Variants in CAPZB observed in about 807,000 individuals in gnomAD.
The protein encoded by CAPZB is F-actin-capping protein subunit beta.
CAPZB carries 2 observed loss-of-function variants against 38.1 expected under a neutral mutation model. That is an observed-to-expected ratio of 0.05 (90% CI 0.02 to 0.17). The LOEUF is 0.17. CAPZB is among the 10% of genes least tolerant of loss of function. CAPZB has a pLI of 1.00. For missense variants in CAPZB, 161 were observed against 334.2 expected (o/e 0.48, Z 4.04); for synonymous variants, 107 against 127.4 (o/e 0.84, Z 1.08).
intron 6 of CAPZB, among the ~76,000 whole-genome samples, chr1:19,345,453 G>T (rs1446195596): frequency 3.3e-5 from 5 of 152,232 alleles, no homozygotes; most frequent in Admixed American, 3.3e-4. Flanking sequence ...AGCCCAGAGG[G>T]CAGAAGCCCA....
rs1277931407 is a variant in CAPZB, at chr1:19,485,130, C to T, written c.3+306G>A. ...CCGAGGGGGTGCCTGGCTGGGGACA[C>T]GGTTCGGGAGGGAGGGTCTAGCCTG... On this transcript the variant is annotated intron_variant, in intron 1 of 8. Coordinates refer to ENST00000264202, the MANE Select transcript of CAPZB (RefSeq NM_004930.5). Among the ~76,000 whole-genome samples the T allele has an allele frequency of 2.0e-5, 3 of 152,080 alleles. No homozygotes were observed. The East Asian group carries it at 5.8e-4, about 29-fold the overall frequency.
At chr1:19,403,968 T>A (rs542326181) in intron 2 of CAPZB, among the ~76,000 whole-genome samples, 1 of 152,060 alleles carries the variant, frequency 6.6e-6, no homozygotes, top group South Asian at 2.1e-4. Context: ...ACTCAAGAGG[T>A]TGAAGTACAA....
intron 1 of CAPZB, among the ~76,000 whole-genome samples, chr1:19,445,236 A>G (rs1436573074): frequency 6.6e-6 from 1 of 152,204 alleles, no homozygotes; most frequent in African/African-American, 2.4e-5. Flanking sequence ...AATAAGACTT[A>G]TGTGACCCAA....
In CAPZB at chr1:19,458,514, C is replaced by G. The variant is rs150584279; in HGVS notation, c.3+26922G>C. 1.9e-3 allele frequency among the ~76,000 whole-genome samples: 294 copies of G among 152,314 alleles called. 3 individuals are homozygous for G. In the South Asian group the frequency reaches 0.024, roughly 12 times the overall value. On this transcript the variant is annotated intron_variant, in intron 1 of 8. Coordinates refer to ENST00000264202, the MANE Select transcript of CAPZB (RefSeq NM_004930.5). ...GGATTACAGGTGCCTGCCACCAAGCCTGGCTAATTTTTTGTACTTTTAGTA... is the reference window on the plus strand; with the variant it reads ...GGATTACAGGTGCCTGCCACCAAGCGTGGCTAATTTTTTGTACTTTTAGTA...
intron 4 of CAPZB, among the ~76,000 whole-genome samples, chr1:19,370,365 G>A (rs1185335151): frequency 6.6e-6 from 1 of 152,200 alleles, no homozygotes; most frequent in Admixed American, 6.5e-5. Flanking sequence ...TTATTGAAGG[G>A]AACAGAGCAA....
In CAPZB at chr1:19,344,924, C is replaced by T. The variant is rs551392938; in HGVS notation, c.654+263G>A. Among the ~76,000 whole-genome samples, 13 of 152,340 alleles carry T rather than the reference C, an allele frequency of 8.5e-5. No individual in the cohort carries two copies. The South Asian group carries it at 1.9e-3, about 22-fold the overall frequency. ...CGATCAGGGGAGACAAGACCTAGTGCGCCCCAGAGCCAGCGCCTGAGCAGT... is the reference window on the plus strand; with the variant it reads ...CGATCAGGGGAGACAAGACCTAGTGTGCCCCAGAGCCAGCGCCTGAGCAGT... On this transcript the variant is annotated intron_variant, in intron 7 of 8. Transcript: ENST00000264202.
intron 4 of CAPZB, among the ~76,000 whole-genome samples, chr1:19,358,162 T>C (rs2094032109): frequency 6.6e-6 from 1 of 152,348 alleles, no homozygotes; most frequent in South Asian, 2.1e-4. Flanking sequence ...GTTTTTGAGA[T>C]GAAGCCTCAC....
chr1:19,444,548 C>T (rs1264049726), intron 1 of CAPZB, among the ~76,000 whole-genome samples: 3 of 152,178 alleles, frequency 2.0e-5, no homozygotes, highest in Non-Finnish European at 2.9e-5. Context: ...TGCACACTGG[C>T]TCTAAGGACC....
At chr1:19,436,330 C>CGG (rs1237303981) in intron 1 of CAPZB, among the ~76,000 whole-genome samples, 4 of 152,188 alleles carry the variant, frequency 2.6e-5, no homozygotes, top group Non-Finnish European at 5.9e-5. Flanking sequence ...GCTCGGTTCT[C>CGG]AGATCCACTG....
chr1:19,396,431 T>C (rs954697748), intron 2 of CAPZB, among the ~76,000 whole-genome samples: 64 of 152,168 alleles, frequency 4.2e-4, no homozygotes, highest in African/African-American at 1.5e-3. Flanking sequence ...CATTTCATCT[T>C]CCTGACTGCC....
chr1:19,378,872 T>G (rs2094157521), intron 3 of CAPZB, among the ~76,000 whole-genome samples: 1 of 152,120 alleles, frequency 6.6e-6, no homozygotes, highest in African/African-American at 2.4e-5. Context: ...GTGCTCCACC[T>G]CTCACTGGCT....
intron 4 of CAPZB, among the ~76,000 whole-genome samples, chr1:19,371,565 A>C (rs1426313766): frequency 1.3e-5 from 2 of 152,128 alleles, no homozygotes; most frequent in Non-Finnish European, 2.9e-5. Flanking sequence ...TCCAGTCCAA[A>C]GCTCTTTAAA....
At chr1:19,434,435 C>A (rs775323415) in intron 1 of CAPZB, among the ~76,000 whole-genome samples, 126 of 151,310 alleles carry the variant, frequency 8.3e-4, no homozygotes, top group African/African-American at 2.9e-3. Context: ...AAAACAAAAA[C>A]AGGCATTGGC....
chr1:19,345,090 G>C (rs937346244), intron 7 of CAPZB, 97 bp downstream of exon 7: 2 of 929,398 alleles, frequency 2.2e-6, no homozygotes, highest in Non-Finnish European at 3.5e-6. Flanking sequence ...GGAGCTGAGA[G>C]AAAGCAGCAG....
intron 4 of CAPZB, among the ~76,000 whole-genome samples, chr1:19,367,658 T>G (rs1296377986): frequency 1.3e-5 from 2 of 152,154 alleles, no homozygotes; most frequent in South Asian, 2.1e-4. Context: ...CAGCGGAAAT[T>G]CCTTCCAGTA....
intron 1 of CAPZB, among the ~76,000 whole-genome samples, chr1:19,421,139 T>C (rs975543558): frequency 6.6e-6 from 1 of 152,238 alleles, no homozygotes; most frequent in East Asian, 1.9e-4. Flanking sequence ...TTCAGGATTT[T>C]TGGAAGGCCT....
intron 1 of CAPZB, 66 bp from the exon 2 acceptor site, chr1:19,419,816 A>G (rs1279098254): frequency 2.1e-6 from 2 of 957,788 alleles, no homozygotes; most frequent in East Asian, 5.3e-5. Context: ...AACTCCTTTT[A>G]AAAAGCATGC....
chr1:19,458,573 C>CT (rs2094540630), intron 1 of CAPZB, among the ~76,000 whole-genome samples: 1 of 152,244 alleles, frequency 6.6e-6, no homozygotes, highest in Admixed American at 6.5e-5. Context: ...GCAGGCTGGT[C>CT]TTTAACTCCT....
chr1:19,453,106 G>C (rs921530725), intron 1 of CAPZB, among the ~76,000 whole-genome samples: 6 of 151,460 alleles, frequency 4.0e-5, no homozygotes. Flanking sequence ...TGCCTGGCTG[G>C]CAGTCAGAAT....
Sources: gnomAD v4.1 joint callset for allele counts (sites outside exome capture counted in the v4.1 genomes callset) on GRCh38, gnomAD v4.1.1 for gene constraint, MANE v1.5 for transcripts, NCBI Gene and HGNC (gene_info 2026-07-23, HGNC 2026-07-21) for gene names.